Variants in XKR9 observed in about 807,000 individuals in gnomAD.
The protein encoded by XKR9 is XK-related protein 9.
In XKR9, 32 loss-of-function variants were observed where a neutral mutation model predicts 32.0. The observed-to-expected ratio is 1.00, with a 90% confidence interval of 0.76 to 1.34. The LOEUF is 1.34. Ranked by LOEUF, XKR9 falls within the 40% of genes most tolerant of loss-of-function variation. The probability of loss-of-function intolerance (pLI) is 0.00; values close to 1 mark genes in which losing one functional copy is unlikely to be tolerated. For synonymous variants in XKR9, 168 were observed against 143.4 expected (o/e 1.17, Z -1.22); for missense variants, 546 against 429.7 (o/e 1.27, Z -2.39).
chr8:70,911,382 CA>C, the XKR9 span, among the ~76,000 whole-genome samples: 1 of 152,122 alleles, frequency 6.6e-6, no homozygotes, highest in South Asian at 2.1e-4. Context: ...TAAGATAATA[CA>C]AATTTATAAT....
the XKR9 span, among the ~76,000 whole-genome samples, chr8:70,881,369 AT>A: frequency 1.2e-4 from 19 of 152,324 alleles, no homozygotes; most frequent in Non-Finnish European, 2.4e-4. Context: ...CAATCTACCC[AT>A]CTGATGAAGG....
chr8:71,014,513 C>T, the XKR9 span, among the ~76,000 whole-genome samples: 1 of 152,168 alleles, frequency 6.6e-6, no homozygotes, highest in East Asian at 1.9e-4. Flanking sequence ...GGCTTCTCCT[C>T]TCTGTGTCTC....
chr8:70,965,335 C>A, the XKR9 span, among the ~76,000 whole-genome samples: 1 of 152,166 alleles, frequency 6.6e-6, no homozygotes, highest in African/African-American at 2.4e-5. Flanking sequence ...GATGTGCTTG[C>A]TGGATTCAAT....
chr8:70,878,207 AT>A, the XKR9 span, among the ~76,000 whole-genome samples: 1 of 152,226 alleles, frequency 6.6e-6, no homozygotes, highest in South Asian at 2.1e-4. Flanking sequence ...AAATAGGCCA[AT>A]TTGTAAAGAC....
intron 2 of XKR9, among the ~76,000 whole-genome samples, chr8:70,744,544 G>T (rs1256075102): frequency 2.0e-5 from 3 of 152,108 alleles, no homozygotes; most frequent in African/African-American, 7.2e-5. Context: ...CATTTTTTGT[G>T]AAACCATGCT....
chr8:70,911,508 G>C, the XKR9 span, among the ~76,000 whole-genome samples: 130 of 152,280 alleles, frequency 8.5e-4, 1 homozygote, highest in Middle Eastern at 3.4e-3. Flanking sequence ...TAATGGAAAA[G>C]TTGGAAGCTT....
At chr8:70,707,455 GTCTT>G (rs1447134645) in intron 4 of XKR9, among the ~76,000 whole-genome samples, 1 of 151,564 alleles carries the variant, frequency 6.6e-6, no homozygotes, top group Non-Finnish European at 1.5e-5. Flanking sequence ...AATAAAAACT[GTCTT>G]TGTTTTTTGT....
chr8:71,045,118 A>T, the XKR9 span, among the ~76,000 whole-genome samples: 1 of 152,202 alleles, frequency 6.6e-6, no homozygotes, highest in Non-Finnish European at 1.5e-5. Flanking sequence ...ACGAAAATAA[A>T]ATACTCTTTT....
At chr8:70,813,201 C>T in the XKR9 span, among the ~76,000 whole-genome samples, 2 of 152,136 alleles carry the variant, frequency 1.3e-5, no homozygotes, top group Non-Finnish European at 2.9e-5. Context: ...GAAAGGATTC[C>T]CTATTTAATA....
At chr8:71,014,352 G>A in the XKR9 span, among the ~76,000 whole-genome samples, 1 of 152,144 alleles carries the variant, frequency 6.6e-6, no homozygotes, top group Admixed American at 6.5e-5. Context: ...CACAGTTCTG[G>A]AGGCCAGAAG....
intron 2 of XKR9, among the ~76,000 whole-genome samples, chr8:70,741,366 T>C (rs7015035): frequency 0.4 from 61,318 of 152,098 alleles, 13,904 homozygotes; most frequent in Non-Finnish European, 0.52. Context: ...CATCAGATGC[T>C]AGTGCTATGC....
chr8:70,812,504 C>A, the XKR9 span, among the ~76,000 whole-genome samples: 1 of 152,188 alleles, frequency 6.6e-6, no homozygotes, highest in African/African-American at 2.4e-5. Flanking sequence ...GTCAAATTGT[C>A]CCTGTTTGCA....
chr8:70,807,267 C>G, the XKR9 span, among the ~76,000 whole-genome samples: 5 of 151,996 alleles, frequency 3.3e-5, no homozygotes, highest in African/African-American at 1.2e-4. Context: ...GAAAAAAGTG[C>G]TAAATATGGA....
chr8:70,724,455 G>T (rs561592088), intron 4 of XKR9, among the ~76,000 whole-genome samples: 3 of 150,444 alleles, frequency 2.0e-5, no homozygotes, highest in South Asian at 2.1e-4. Flanking sequence ...AACTCCTGCA[G>T]CTAGCTTGGT....
downstream of XKR9, among the ~76,000 whole-genome samples, chr8:70,736,651 G>A (rs1182960220): frequency 2.6e-5 from 4 of 152,062 alleles, no homozygotes; most frequent in African/African-American, 9.7e-5. Flanking sequence ...TGTATAAGGT[G>A]TAAGGAAGGG....
chr8:70,691,041 G>T (rs1352039308), intron 3 of XKR9, among the ~76,000 whole-genome samples: 2 of 152,102 alleles, frequency 1.3e-5, no homozygotes, highest in African/African-American at 4.8e-5. Context: ...GTGTAAAAGG[G>T]TTCCCTTTTC....
intron 4 of XKR9, among the ~76,000 whole-genome samples, chr8:70,731,487 T>G (rs1245907153): frequency 6.6e-6 from 1 of 152,104 alleles, no homozygotes; most frequent in Non-Finnish European, 1.5e-5. Flanking sequence ...AGACAAAAGA[T>G]TCTCAATTTT....
At chr8:71,061,941 G>A in the XKR9 span, among the ~76,000 whole-genome samples, 1 of 152,202 alleles carries the variant, frequency 6.6e-6, no homozygotes, top group Non-Finnish European at 1.5e-5. Context: ...ATTACTGCTT[G>A]ATTACTCTTA....
the XKR9 span, among the ~76,000 whole-genome samples, chr8:70,986,669 G>A: frequency 6.6e-6 from 1 of 152,154 alleles, no homozygotes; most frequent in Non-Finnish European, 1.5e-5. Flanking sequence ...CATAGACCAT[G>A]CAAAACACTG....
Sources: gnomAD v4.1 joint callset for allele counts (sites outside exome capture counted in the v4.1 genomes callset) on GRCh38, gnomAD v4.1.1 for gene constraint, MANE v1.5 for transcripts, NCBI Gene and HGNC (gene_info 2026-07-23, HGNC 2026-07-21) for gene names.